The following C12orf42 variants were observed in gnomAD, a reference collection of about 807,000 sequenced individuals.
C12orf42 encodes uncharacterized protein C12orf42.
Under a neutral mutation model 21.6 loss-of-function variants are expected in C12orf42, and 25 were observed. The ratio of observed to expected loss-of-function variants is 1.16; its 90% confidence interval spans 0.84 to 1.62. The LOEUF is 1.62. Ranked by LOEUF, C12orf42 falls within the 40% of genes most tolerant of loss-of-function variation. C12orf42 has a pLI of 0.00. For missense variants in C12orf42, 483 were observed against 459.3 expected, an observed-to-expected ratio of 1.05 and a Z score of -0.47; for synonymous variants, 174 against 175.0, an observed-to-expected ratio of 0.99 and a Z score of 0.05.
chr12:103,397,024 A>T (rs904317115), intron 3 of C12orf42, among the ~76,000 whole-genome samples: 3 of 152,238 alleles, frequency 2.0e-5, no homozygotes, highest in Admixed American at 6.5e-5. Context: ...CTGTGTGTCT[A>T]CATCTCAAAT....
chr12:103,404,153 A>G (rs2048250467), intron 2 of C12orf42, among the ~76,000 whole-genome samples: 1 of 152,218 alleles, frequency 6.6e-6, no homozygotes, highest in South Asian at 2.1e-4. Flanking sequence ...TTGAGACATA[A>G]TTTATGTACA....
downstream of C12orf42, among the ~76,000 whole-genome samples, chr12:103,300,490 A>G (rs2037576096): frequency 6.6e-6 from 1 of 152,180 alleles, no homozygotes; most frequent in Non-Finnish European, 1.5e-5. Context: ...TCTGAACAGG[A>G]TCTCTCCTTC....
At chr12:103,516,016 C>A in the C12orf42 span, among the ~76,000 whole-genome samples, 1 of 152,228 alleles carries the variant, frequency 6.6e-6, no homozygotes, top group South Asian at 2.1e-4. Flanking sequence ...AGATATGATG[C>A]AGTATAGATA....
chr12:103,298,687 AC>A (rs1325685043), downstream of C12orf42, among the ~76,000 whole-genome samples: 2 of 152,090 alleles, frequency 1.3e-5, no homozygotes, highest in Admixed American at 6.5e-5. Flanking sequence ...ATAGGAATGC[AC>A]CCTTGGCTCT....
At chr12:103,158,405 G>A in the C12orf42 span, among the ~76,000 whole-genome samples, 1 of 152,082 alleles carries the variant, frequency 6.6e-6, no homozygotes, top group Non-Finnish European at 1.5e-5. Flanking sequence ...GTAGAGACTT[G>A]GAACACATTC....
intron 4 of C12orf42, among the ~76,000 whole-genome samples, chr12:103,367,668 G>A (rs1163019498): frequency 6.6e-6 from 1 of 151,962 alleles, no homozygotes; most frequent in Non-Finnish European, 1.5e-5. Flanking sequence ...TTTCCCATGG[G>A]AGAAAGGGGA....
At chr12:103,101,738 A>G in the C12orf42 span, among the ~76,000 whole-genome samples, 1 of 152,196 alleles carries the variant, frequency 6.6e-6, no homozygotes, top group African/African-American at 2.4e-5. Flanking sequence ...CAAAACAATA[A>G]CTACTAATTT....
chr12:103,545,245 A>G, the C12orf42 span, among the ~76,000 whole-genome samples: 2 of 152,226 alleles, frequency 1.3e-5, no homozygotes, highest in African/African-American at 2.4e-5. Context: ...ATTGGGAATA[A>G]GACTAGATAC....
chr12:103,299,198 T>G (rs2037497469), downstream of C12orf42, among the ~76,000 whole-genome samples: 1 of 152,076 alleles, frequency 6.6e-6, no homozygotes, highest in Non-Finnish European at 1.5e-5. Context: ...TATTTGTATG[T>G]GTATCATTAT....
At chr12:103,380,430 C>A (rs112351533) in intron 3 of C12orf42, among the ~76,000 whole-genome samples, 2 of 151,996 alleles carry the variant, frequency 1.3e-5, no homozygotes, top group Non-Finnish European at 2.9e-5. Flanking sequence ...CACTTCTTGG[C>A]AAAAGCAGGA....
chr12:103,511,545 A>G, the C12orf42 span, among the ~76,000 whole-genome samples: 1 of 152,018 alleles, frequency 6.6e-6, no homozygotes, highest in South Asian at 2.1e-4. Context: ...AAAGTGGCCT[A>G]TTCCACTGCT....
intron 3 of C12orf42, among the ~76,000 whole-genome samples, chr12:103,371,519 A>G (rs2045234602): frequency 6.6e-6 from 1 of 152,152 alleles, no homozygotes; most frequent in Admixed American, 6.6e-5. Context: ...GATATTGAGT[A>G]AAGTCTTTCT....
At chr12:103,538,340 G>C in the C12orf42 span, among the ~76,000 whole-genome samples, 1 of 152,370 alleles carries the variant, frequency 6.6e-6, no homozygotes, top group African/African-American at 2.4e-5. Flanking sequence ...ATGCAGTAGA[G>C]AGGAAGAGTG....
chr12:103,472,860 A>G (rs2137906994), intron 2 of C12orf42, among the ~76,000 whole-genome samples: 1 of 152,112 alleles, frequency 6.6e-6, no homozygotes, highest in Middle Eastern at 3.4e-3. Flanking sequence ...GTCAAAGAGA[A>G]GCTCATCTCT....
the C12orf42 span, among the ~76,000 whole-genome samples, chr12:103,205,912 A>G: frequency 3.9e-5 from 6 of 152,202 alleles, no homozygotes; most frequent in Non-Finnish European, 7.4e-5. Context: ...ATTAAAAAGT[A>G]TATAAAAGAA....
chr12:103,348,452 T>C (rs2042823528), intron 4 of C12orf42, among the ~76,000 whole-genome samples: 1 of 152,172 alleles, frequency 6.6e-6, no homozygotes, highest in African/African-American at 2.4e-5. Flanking sequence ...AAGTGAACAA[T>C]GAACAGAGGC....
the C12orf42 span, among the ~76,000 whole-genome samples, chr12:103,116,387 T>TATATATATATATGTATACATATAC: frequency 1.4e-5 from 2 of 145,890 alleles, no homozygotes; most frequent in African/African-American, 5.0e-5. Flanking sequence ...AAAAAATATA[T>TATATATATATATGTATACATATAC]ATATATATAT....
chr12:103,475,369 TG>T (rs1380329060), intron 2 of C12orf42, among the ~76,000 whole-genome samples: 3 of 152,210 alleles, frequency 2.0e-5, no homozygotes, highest in Non-Finnish European at 4.4e-5. Context: ...GATTGGTCAT[TG>T]CTAAGTAACT....
intron 3 of C12orf42, among the ~76,000 whole-genome samples, chr12:103,394,016 T>C (rs1481974369): frequency 6.6e-6 from 1 of 152,206 alleles, no homozygotes; most frequent in Non-Finnish European, 1.5e-5. Flanking sequence ...GGGCCAATTA[T>C]TAGTAGTTTT....
Sources: gnomAD v4.1 joint callset for allele counts (sites outside exome capture counted in the v4.1 genomes callset) on GRCh38, gnomAD v4.1.1 for gene constraint, MANE v1.5 for transcripts, NCBI Gene and HGNC (gene_info 2026-07-23, HGNC 2026-07-21) for gene names.